DNAI7: variants seen among roughly 807,000 people sequenced by gnomAD.
DNAI7 encodes the protein dynein axonemal intermediate chain 7.
DNAI7 carries 78 observed loss-of-function variants against 86.6 expected under a neutral mutation model. The ratio of observed to expected loss-of-function variants is 0.90; its 90% CI spans 0.75 to 1.09. The LOEUF is 1.09. Among genes scored for constraint, DNAI7 ranks in the 50% least tolerant of loss-of-function variants. DNAI7 has a pLI of 0.00. For missense variants in DNAI7, 753 were observed against 810.2 expected, an observed-to-expected ratio of 0.93 and a Z score of 0.86; for synonymous variants, 274 against 273.0, an observed-to-expected ratio of 1.00 and a Z score of -0.04.
chr12:25,108,480 G>A lies in DNAI7; in HGVS notation c.*68C>T. 1 of 1,330,374 alleles carries A rather than the reference G, an allele frequency of 7.5e-7. No homozygotes were observed. The highest frequency in any genetic ancestry group is 2.4e-5 in the East Asian group (1 of 42,318). The allele number at this position is 1,330,374 out of a possible 1,614,324, so 82.4% of individuals were successfully genotyped here. ...TGTATTCATTCACTCATTACATTGT[G>A]TTGCAGAAATACCTGTCTTTCACCA... On this transcript the variant is annotated 3_prime_UTR_variant, in exon 16 of 16. Coordinates refer to ENST00000395987, the MANE Select transcript of DNAI7 (RefSeq NM_018272.5).
At chr12:25,189,164 G>A (rs1419118282) in intron 2 of DNAI7, among the ~76,000 whole-genome samples, 1 of 152,120 alleles carries the variant, frequency 6.6e-6, no homozygotes, top group Non-Finnish European at 1.5e-5. Flanking sequence ...ATTAAATGGG[G>A]TTTCGCATAT....
intron 8 of DNAI7, 63 bp from the exon 9 acceptor site, chr12:25,144,740 AT>A: frequency 8.3e-7 from 1 of 1,200,776 alleles, no homozygotes; most frequent in Non-Finnish European, 1.2e-6. Flanking sequence ...TCTGTGTCAA[AT>A]TTATACCTAA....
chr12:25,151,234 G>A (rs1945501396), intron 6 of DNAI7, among the ~76,000 whole-genome samples: 1 of 152,128 alleles, frequency 6.6e-6, no homozygotes, highest in Non-Finnish European at 1.5e-5. Context: ...TGGAAAAATG[G>A]GGTTTTTAGT....
intron 9 of DNAI7, among the ~76,000 whole-genome samples, chr12:25,128,243 C>T (rs1942410932): frequency 6.6e-6 from 1 of 152,114 alleles, no homozygotes; most frequent in Non-Finnish European, 1.5e-5. Context: ...ACTTTTTCAT[C>T]AAAAGATAAT....
intron 1 of DNAI7, chr12:25,194,816 T>C: frequency 6.7e-7 from 1 of 1,498,430 alleles, no homozygotes; most frequent in Non-Finnish European, 9.2e-7. Context: ...CTTAGCAACA[T>C]TCGAGATCAG....
chr12:25,149,015 G>C (rs1945186577), intron 7 of DNAI7, among the ~76,000 whole-genome samples: 1 of 150,666 alleles, frequency 6.6e-6, no homozygotes, highest in Non-Finnish European at 1.5e-5. Context: ...TTATTTTTTT[G>C]AGACAGAGTC....
In DNAI7 at chr12:25,131,834, G is replaced by A. The variant is rs569530582; in HGVS notation, c.1003-8548C>T. Reference sequence around the variant, plus strand: ...TTCCTTCATTCAATAAACATTCATTGAGCCCTTATCATGAGCTCTATGCTC... The same window carrying A: ...TTCCTTCATTCAATAAACATTCATTAAGCCCTTATCATGAGCTCTATGCTC... On this transcript the variant is annotated intron_variant, in intron 9 of 15. Coordinates refer to ENST00000395987, the MANE Select transcript of DNAI7 (RefSeq NM_018272.5). 5.9e-5 allele frequency among the ~76,000 whole-genome samples: 9 copies of A among 152,066 alleles called. 1 individual carries two copies. In the South Asian group the frequency reaches 6.2e-4, roughly 11 times the overall value.
chr12:25,142,815 C>G (rs775469267), intron 9 of DNAI7, among the ~76,000 whole-genome samples: 1 of 151,906 alleles, frequency 6.6e-6, no homozygotes, highest in Non-Finnish European at 1.5e-5. Flanking sequence ...ACCTATTTAC[C>G]CATTCTATTT....
intron 8 of DNAI7, among the ~76,000 whole-genome samples, chr12:25,145,346 C>T (rs1444432867): frequency 2.6e-5 from 4 of 152,180 alleles, no homozygotes; most frequent in African/African-American, 9.7e-5. Flanking sequence ...AACTCATCAT[C>T]CTTACAACCC....
intron 2 of DNAI7, among the ~76,000 whole-genome samples, chr12:25,177,674 A>G (rs1949099673): frequency 6.6e-6 from 1 of 152,222 alleles, no homozygotes; most frequent in African/African-American, 2.4e-5. Flanking sequence ...GTCCCTAGAA[A>G]TAAAACTGAT....
At chr12:25,186,781 G>GT (rs895417098) in intron 2 of DNAI7, among the ~76,000 whole-genome samples, 38 of 147,896 alleles carry the variant, frequency 2.6e-4, no homozygotes, top group South Asian at 6.4e-4. Context: ...AAAAGGCAGG[G>GT]TTTTTTTTTT....
chr12:25,153,170 C>T (rs1945761487), intron 6 of DNAI7, among the ~76,000 whole-genome samples: 1 of 152,042 alleles, frequency 6.6e-6, no homozygotes, highest in Non-Finnish European at 1.5e-5. Context: ...AGTGGTAATC[C>T]TAGCACTTTG....
chr12:25,126,491 G>C (rs1215403881), intron 9 of DNAI7, among the ~76,000 whole-genome samples: 1 of 151,910 alleles, frequency 6.6e-6, no homozygotes, highest in Non-Finnish European at 1.5e-5. Flanking sequence ...GCTTATAGGA[G>C]AGATGATAAG....
intron 1 of DNAI7, 23 bp from the exon 2 acceptor site, chr12:25,190,654 A>G (rs758481052): frequency 1.5e-6 from 2 of 1,373,234 alleles, no homozygotes; most frequent in Middle Eastern, 1.9e-4. Context: ...AAACAAAAGA[A>G]TTGATCAATT....
rs1170101101 is a variant in DNAI7, at chr12:25,158,525, T to C, written c.145A>G (p.Arg49Gly). 4 of 1,612,958 alleles carry C rather than the reference T, an allele frequency of 2.5e-6. No homozygotes were observed. The highest frequency in any genetic ancestry group is 3.4e-6 in the Non-Finnish European group (4 of 1,179,718). Residue 49 changes from arginine (R) to glycine (G), a missense_variant, in exon 4 of 16, where the codon AGG becomes GGG. Transcript: ENST00000395987. The stretch of plus-strand genomic sequence containing the variant: ...TTCTCAATTCGCTGTATTTCAAGCC[T>C]TTCCATTTCTTCTTTCTCATATTTC... ...RLKYEKEEME[R>G]LEIQRIEKEK...
At chr12:25,108,889 G>GATT in intron 15 of DNAI7, 66 bp from the exon 16 acceptor site, 1 of 999,440 alleles carries the variant, frequency 1.0e-6, no homozygotes, top group Non-Finnish European at 1.4e-6. Context: ...TTTGGTAGCA[G>GATT]ATTATTATTT....
intron 13 of DNAI7, among the ~76,000 whole-genome samples, chr12:25,113,938 GTT>G (rs112532652): frequency 0.017 from 1,444 of 82,560 alleles, 11 homozygotes; most frequent in African/African-American, 0.068. Flanking sequence ...TTCTTTCTGG[GTT>G]TTTTTTTTTT....
At position 25,195,093 on chromosome 12, in the gene DNAI7, C is replaced by G. The variant is rs201091436; in HGVS notation, c.-15G>C. 1 of 1,613,936 alleles carries G rather than the reference C, an allele frequency of 6.2e-7. No individual in the cohort carries two copies. Among genetic ancestry groups the G allele is most frequent in the East Asian group, 2.2e-5 (1 of 44,886 alleles). ...TTGCTCACCATTAAGAGTCAAGCTC[C>G]ACTGCAGTAGTCCGCAGAGTCGGAG... On this transcript the variant is annotated 5_prime_UTR_variant, in exon 1 of 16. Coordinates refer to ENST00000395987, the MANE Select transcript of DNAI7 (RefSeq NM_018272.5).
chr12:25,177,462 A>G (rs950281924), intron 2 of DNAI7, among the ~76,000 whole-genome samples: 3 of 152,160 alleles, frequency 2.0e-5, no homozygotes, highest in Non-Finnish European at 4.4e-5. Context: ...GATATACATT[A>G]TGGTTTGCAA....
Sources: gnomAD v4.1 joint callset for allele counts (sites outside exome capture counted in the v4.1 genomes callset) on GRCh38, gnomAD v4.1.1 for gene constraint, MANE v1.5 for transcripts, NCBI Gene and HGNC (gene_info 2026-07-23, HGNC 2026-07-21) for gene names.